The following PPP1R26 variants were observed in gnomAD, a reference collection of about 807,000 sequenced individuals.
The protein encoded by PPP1R26 is protein phosphatase 1 regulatory subunit 26.
In PPP1R26, 22 loss-of-function variants were observed where a neutral mutation model predicts 67.6. That is an observed-to-expected ratio of 0.33 (90% CI 0.23 to 0.46). The LOEUF (loss-of-function observed/expected upper bound fraction) is 0.46, where lower values mean the gene tolerates loss of function less well. Ranked by LOEUF, PPP1R26 falls within the 20% of genes least tolerant of loss-of-function variation. The pLI is 1.00. For missense variants in PPP1R26, 1,602 were observed against 1,651.4 expected, an observed-to-expected ratio of 0.97 and a Z score of 0.52; for synonymous variants, 729 against 717.2, an observed-to-expected ratio of 1.02 and a Z score of -0.26.
chr9:135,485,749 T>A lies in PPP1R26; in HGVS notation c.1239T>A (p.Ser413Arg), dbSNP rs1405444129. 6.2e-7 allele frequency: 1 copy of A among 1,610,708 alleles called. No homozygotes were observed. Residue 413 changes from serine (S) to arginine (R), a missense_variant, in exon 4 of 4, where the codon AGT becomes AGA. Transcript: ENST00000356818. This position sits in a 1 kb window ranked among gnomAD's most constrained non-coding sequence, Gnocchi z 7.2. ...PAHSTSSATK[S>R]ALPETHRKTP... is the part of the protein sequence containing the mutation. ...ACAGCACAAGCAGTGCCACAAAAAGTGCCTTGCCCGAGACCCACAGGAAAA... is the reference window on the plus strand; with the variant it reads ...ACAGCACAAGCAGTGCCACAAAAAGAGCCTTGCCCGAGACCCACAGGAAAA...
Position 135,487,716 on chromosome 9 carries a change from G to C in PPP1R26, c.3206G>C (p.Gly1069Ala), listed in dbSNP as rs761070109. The C allele has an allele frequency of 5.5e-6, 8 of 1,449,644 alleles. No homozygotes were observed. The East Asian group carries it at 2.0e-4, about 36-fold the overall frequency. The allele number at this position is 1,449,644 out of a possible 1,614,324, so 89.8% of individuals were successfully genotyped here. A position where few individuals can be genotyped will look rare whatever the true frequency, so the allele number is the denominator to read the frequency against. ...AAGGGGTCCGAGGGCCCCGCCCGGG[G>C]CCTGCCCAGCCTGCCCCTTGCGGGC... ...RDKGSEGPARGLPSLPLAGFS... is the reference protein window; with the variant it reads ...RDKGSEGPARALPSLPLAGFS... The change falls in exon 4 of 4, where the codon GGC becomes GCC. Residue 1069 changes from glycine to alanine, a missense_variant. Gly to Ala is a moderately conservative substitution (Grantham distance 60). Transcript: ENST00000356818.
At chr9:135,481,236 GT>G (rs35101439) in intron 1 of PPP1R26, among the ~76,000 whole-genome samples, 22,464 of 121,762 alleles carry the variant, frequency 0.18, 2,067 homozygotes, top group South Asian at 0.37. Flanking sequence ...GGCTTTTCTT[GT>G]TTTTTTTTTT....
In PPP1R26 at chr9:135,487,624, C is replaced by T; in HGVS notation, c.3114C>T (p.Ser1038=). ...SDFAHQSRLP[S]PWVLRSEGRD... ...TCGCCCACCAGAGTCGGCTGCCCAG[C>T]CCGTGGGTGCTGCGCTCCGAAGGCA... Residue 1038 remains serine, a synonymous_variant, in exon 4 of 4, where the codon AGC becomes AGT. Transcript: ENST00000356818. 6.7e-7 allele frequency: 1 copy of T among 1,482,918 alleles called. No homozygotes were observed. Among genetic ancestry groups the T allele is most frequent in the African/African-American group, 1.4e-5 (1 of 71,266 alleles). The allele number at this position is 1,482,918 out of a possible 1,614,324, so 91.9% of individuals were successfully genotyped here. A position where few individuals can be genotyped will look rare whatever the true frequency, so the allele number is the denominator to read the frequency against.
chr9:135,485,508 A>G lies in PPP1R26; in HGVS notation c.998A>G (p.Asn333Ser). Residue 333 changes from asparagine (N) to serine (S), a missense_variant, in exon 4 of 4, where the codon AAT becomes AGT. Transcript: ENST00000356818. The surrounding 1 kb of genome is among the most constrained non-coding windows in gnomAD (Gnocchi z 7.2). The part of the protein sequence containing the change: ...TPCRPSEAAQ[N>S]KGGIKRSASA... ...TGCCGCCCTTCAGAAGCAGCACAGA[A>G]TAAAGGTGGGATCAAAAGGAGCGCC... 6.2e-7 allele frequency: 1 copy of G among 1,613,168 alleles called. No homozygotes were observed. The highest frequency in any genetic ancestry group is 8.5e-7 in the Non-Finnish European group (1 of 1,180,004).
At position 135,487,160 on chromosome 9, in the gene PPP1R26, C is replaced by G. The variant is rs770594430; in HGVS notation, c.2650C>G (p.Pro884Ala). Residue 884 changes from proline (P) to alanine (A), a missense_variant, in exon 4 of 4, where the codon CCA becomes GCA. This residue lies in a region of PPP1R26 where 740 missense variants were observed against 696.3 expected (regional missense o/e 1.06). Transcript: ENST00000356818. ...PEVLCRKEPAPPPGVCTRSQR... is the reference protein window; with the variant it reads ...PEVLCRKEPAAPPGVCTRSQR... ...GGTGCTGTGCAGGAAGGAGCCTGCC[C>G]CACCGCCTGGCGTGTGCACACGCAG... The G allele has an allele frequency of 1.9e-6, 3 of 1,610,316 alleles. No homozygotes were observed. The highest frequency in any genetic ancestry group is 2.5e-6 in the Non-Finnish European group (3 of 1,179,226).
chr9:135,482,836 T>C (rs2119252877), intron 2 of PPP1R26, 21 bp downstream of exon 2: 3 of 398,546 alleles, frequency 7.5e-6, no homozygotes, highest in East Asian at 7.1e-5. Flanking sequence ...GTAATTCTTG[T>C]ATTTTAGTTT....
At position 135,486,703 on chromosome 9, in the gene PPP1R26, C is replaced by T. The variant is rs754435255; in HGVS notation, c.2193C>T (p.Phe731=). ...KVRFSTAQTH[F]LEQLGGLRRD... ...GGTTCAGCACAGCCCAGACGCACTT[C>T]TTGGAGCAGCTGGGCGGGCTCCGGA... Residue 731 remains phenylalanine (F), a synonymous_variant, in exon 4 of 4, where the codon TTC becomes TTT. Coordinates refer to ENST00000356818, the MANE Select transcript of PPP1R26 (RefSeq NM_014811.5). The surrounding 1 kb of genome is among the most constrained non-coding windows in gnomAD (Gnocchi z 6.2). 3 of 1,590,536 alleles carry T rather than the reference C, an allele frequency of 1.9e-6. No individual in the cohort carries two copies. The highest frequency in any genetic ancestry group is 2.6e-6 in the Non-Finnish European group (3 of 1,169,114).
chr9:135,482,320 T>A (rs925595343), intron 1 of PPP1R26, among the ~76,000 whole-genome samples: 7 of 152,196 alleles, frequency 4.6e-5, no homozygotes, highest in Non-Finnish European at 1.0e-4. Context: ...GGTCCCCCAG[T>A]GCTCTGTGTC....
rs770955517 is a variant in PPP1R26, at chr9:135,486,907, C to T, written c.2397C>T (p.Pro799=). 6.5e-5 allele frequency: 105 copies of T among 1,612,724 alleles called. No individual in the cohort carries two copies. Among genetic ancestry groups the T allele is most frequent in the Non-Finnish European group, 6.8e-5 (80 of 1,179,944 alleles). The stretch of plus-strand genomic sequence containing the variant: ...CCCTGGCCTTCCGGGTGAGGAGACC[C>T]GCCTCCGCCTCTGCCTCCGAAGGGA... ...DAALAFRVRR[P]ASASASEGNP... is the part of the protein sequence containing the mutation. The change falls in exon 4 of 4, where the codon CCC becomes CCT. Residue 799 remains proline, a synonymous_variant. Coordinates refer to ENST00000356818, the MANE Select transcript of PPP1R26 (RefSeq NM_014811.5). This position sits in a 1 kb window ranked among gnomAD's most constrained non-coding sequence, Gnocchi z 6.2.
rs1455171886 is a variant in PPP1R26, at chr9:135,486,520, G to A, written c.2010G>A (p.Glu670=). The A allele has an allele frequency of 6.2e-7, 1 of 1,612,686 alleles. No homozygotes were observed. The highest frequency in any genetic ancestry group is 2.2e-5 in the East Asian group (1 of 44,878). The part of the protein sequence containing the change: ...RMSQGQGKTD[E]ARRLDEKESS... ...CACAGGGCCAGGGTAAGACAGACGA[G>A]GCAAGGCGCCTAGACGAGAAAGAGA... Residue 670 remains glutamate, a synonymous_variant, in exon 4 of 4, where the codon GAG becomes GAA. Transcript: ENST00000356818. The surrounding 1 kb of genome is among the most constrained non-coding windows in gnomAD (Gnocchi z 6.2).
Position 135,485,265 on chromosome 9 carries a change from A to C in PPP1R26, c.755A>C (p.Lys252Thr). 6.2e-7 allele frequency: 1 copy of C among 1,612,936 alleles called. No individual in the cohort carries two copies. Among genetic ancestry groups the C allele is most frequent in the Non-Finnish European group, 8.5e-7 (1 of 1,179,948 alleles). Reference protein sequence around the residue: ...TQKCDGSVEKKPDTNENSAKS... With the variant: ...TQKCDGSVEKTPDTNENSAKS... ...AAATGTGATGGGTCAGTGGAGAAGA[A>C]ACCAGACACAAATGAAAATTCCGCC... Residue 252 changes from lysine (K) to threonine (T), a missense_variant, in exon 4 of 4, where the codon AAA becomes ACA. Physicochemically the swap from Lys to Thr is moderately conservative, Grantham distance 78. Coordinates refer to ENST00000356818, the MANE Select transcript of PPP1R26 (RefSeq NM_014811.5). This position sits in a 1 kb window ranked among gnomAD's most constrained non-coding sequence, Gnocchi z 7.2.
intron 1 of PPP1R26, among the ~76,000 whole-genome samples, chr9:135,482,377 C>T (rs1830551208): frequency 6.6e-6 from 1 of 152,204 alleles, no homozygotes; most frequent in South Asian, 2.1e-4. Flanking sequence ...ATGTCATGGG[C>T]TGCAGTGGGT....
Position 135,485,054 on chromosome 9 carries a change from C to G in PPP1R26, c.544C>G (p.Pro182Ala). The change falls in exon 4 of 4, where the codon CCG becomes GCG. Residue 182 changes from proline (P) to alanine (A), a missense_variant. Physicochemically the swap from Pro to Ala is conservative, Grantham distance 27. This residue lies in a region of PPP1R26 where 680 missense variants were observed against 726.1 expected (regional missense o/e 0.94). Transcript: ENST00000356818. The surrounding 1 kb of genome is among the most constrained non-coding windows in gnomAD (Gnocchi z 7.2). ...GCCGGAACCGGCTCACGGCAGTGCC[C>G]CGACTGCCCTGTGTCCCCCAAAACT... ...CKPEPAHGSA[P>A]TALCPPKLVP... 1 of 1,603,458 alleles carries G rather than the reference C, an allele frequency of 6.2e-7. No homozygotes were observed. The highest frequency in any genetic ancestry group is 8.5e-7 in the Non-Finnish European group (1 of 1,175,650).
chr9:135,482,373 TG>T (rs1936099564), intron 1 of PPP1R26, among the ~76,000 whole-genome samples: 1 of 152,206 alleles, frequency 6.6e-6, no homozygotes, highest in African/African-American at 2.4e-5. Context: ...GGGGATGTCA[TG>T]GGCTGCAGTG....
chr9:135,485,668 G>A lies in PPP1R26; in HGVS notation c.1158G>A (p.Gly386=). ...AGAAAACACGCAAGGAGGCCGACGGGGACCTGCCCCAGAGGGTCCAACTCC... is the reference window on the plus strand; with the variant it reads ...AGAAAACACGCAAGGAGGCCGACGGAGACCTGCCCCAGAGGGTCCAACTCC... ...QLQKTRKEAD[G]DLPQRVQLRE... The change falls in exon 4 of 4, where the codon GGG becomes GGA. Residue 386 remains glycine (G), a synonymous_variant. Coordinates refer to ENST00000356818, the MANE Select transcript of PPP1R26 (RefSeq NM_014811.5). The surrounding 1 kb of genome is among the most constrained non-coding windows in gnomAD (Gnocchi z 7.2). 1.9e-6 allele frequency: 3 copies of A among 1,611,820 alleles called. No homozygotes were observed. In the South Asian group the frequency reaches 3.3e-5, roughly 18 times the overall value.
chr9:135,479,072 G>A (rs916051557), upstream of PPP1R26: 24 of 152,318 alleles, frequency 1.6e-4, no homozygotes, highest in African/African-American at 2.2e-4. This position sits in a 1 kb window ranked among gnomAD's most constrained non-coding sequence, Gnocchi z 5.9. Context: ...AGGTCACATG[G>A]TCAGTGCACA....
rs554196818 is a variant in PPP1R26 at position 135,483,099 on chromosome 9, C to T, written c.-196+284C>T. Among the ~76,000 whole-genome samples, 1,068 of 147,842 alleles carry T rather than the reference C, an allele frequency of 7.2e-3. 3 individuals carry two copies. The highest frequency in any genetic ancestry group is 0.012 in the Non-Finnish European group (803 of 67,656). Reference sequence around the variant, plus strand: ...CTACCTCCTGGGTTCGAGCAATTCTCCTGCCTCAGCCTCCCAAGTAGCTGG... The same window carrying T: ...CTACCTCCTGGGTTCGAGCAATTCTTCTGCCTCAGCCTCCCAAGTAGCTGG... On this transcript the variant is annotated intron_variant, in intron 2 of 3. Coordinates refer to ENST00000356818, the MANE Select transcript of PPP1R26 (RefSeq NM_014811.5).
At position 135,484,480 on chromosome 9, in the gene PPP1R26, C is replaced by T. The variant is rs777430887; in HGVS notation, c.-31C>T. 4.7e-6 allele frequency: 7 copies of T among 1,504,232 alleles called. No individual in the cohort carries two copies. Among genetic ancestry groups the T allele is most frequent in the Non-Finnish European group, 3.6e-6 (4 of 1,114,062 alleles). 93.2% of individuals were successfully genotyped at this position (1,504,232 alleles called of 1,614,324 possible). A position where few individuals can be genotyped will look rare whatever the true frequency, so the allele number is the denominator to read the frequency against. ...AAGCCGGTAGAGAAATAAAGCATCG[C>T]CCCTCTGCGCGCCCCTCCCCGTCTG... On this transcript the variant is annotated 5_prime_UTR_variant, in exon 4 of 4. Transcript: ENST00000356818.
chr9:135,482,960 T>A, intron 2 of PPP1R26, 145 bp downstream of exon 2: 1 of 346,490 alleles, frequency 2.9e-6, no homozygotes, highest in South Asian at 1.6e-4. Context: ...GTGGCCAGGC[T>A]CACCTTTTGT....
Sources: gnomAD v4.1 joint callset for allele counts (sites outside exome capture counted in the v4.1 genomes callset) on GRCh38, gnomAD v4.1.1 for gene constraint, gnomAD v4.1.1 regional missense constraint, Gnocchi (gnomAD v3.1) non-coding constraint, MANE v1.5 for transcripts, NCBI Gene and HGNC (gene_info 2026-07-23, HGNC 2026-07-21) for gene names.